The following LRRC4C variants were observed in gnomAD, a reference collection of about 807,000 sequenced individuals.
LRRC4C encodes leucine rich repeat containing 4C, also known as leucine-rich repeat-containing protein 4C.
LRRC4C carries 5 observed loss-of-function variants against 33.6 expected under a neutral mutation model. That is an observed-to-expected ratio of 0.15 (90% CI 0.08 to 0.31). LRRC4C has a LOEUF of 0.31. Among genes scored for constraint, LRRC4C ranks in the 10% least tolerant of loss-of-function variants. The pLI, the probability that LRRC4C is intolerant of heterozygous loss-of-function variation, is 1.00. For missense variants in LRRC4C, 560 were observed against 796.7 expected (o/e 0.70, Z 3.58); for synonymous variants, 329 against 302.0 (o/e 1.09, Z -0.93).
intron 3 of LRRC4C, among the ~76,000 whole-genome samples, chr11:40,431,094 T>G (rs1486189470): frequency 8.6e-5 from 1 of 11,632 alleles, no homozygotes; most frequent in African/African-American, 1.5e-4. Context: ...ACTTAAAGTA[T>G]AATAAAAAAA....
intron 1 of LRRC4C, among the ~76,000 whole-genome samples, chr11:40,956,624 A>T (rs1463357954): frequency 6.6e-6 from 1 of 151,808 alleles, no homozygotes; most frequent in Admixed American, 6.6e-5. Context: ...GATAGAAAAC[A>T]TAGATTAATA....
intron 2 of LRRC4C, among the ~76,000 whole-genome samples, chr11:40,697,165 A>AT (rs1486809229): frequency 6.6e-6 from 1 of 152,096 alleles, no homozygotes; most frequent in Non-Finnish European, 1.5e-5. Flanking sequence ...GCATATATAC[A>AT]TTTTTGTTCA....
intron 1 of LRRC4C, among the ~76,000 whole-genome samples, chr11:41,143,368 T>G (rs1281724600): frequency 6.6e-6 from 1 of 152,190 alleles, no homozygotes. Flanking sequence ...AGTGTTAGTG[T>G]GACTTTAAAT....
chr11:41,079,553 G>A (rs554403546), intron 1 of LRRC4C, among the ~76,000 whole-genome samples: 1 of 152,146 alleles, frequency 6.6e-6, no homozygotes, highest in South Asian at 2.1e-4. Context: ...TGCAATATCT[G>A]GGTTCGTAAG....
chr11:40,347,775 A>C (rs536806557), intron 3 of LRRC4C, among the ~76,000 whole-genome samples: 1 of 152,100 alleles, frequency 6.6e-6, no homozygotes, highest in Non-Finnish European at 1.5e-5. Context: ...CACCTGGCTA[A>C]TTTTACATTT....
At chr11:40,581,588 A>G (rs958303706) in intron 3 of LRRC4C, among the ~76,000 whole-genome samples, 1 of 152,166 alleles carries the variant, frequency 6.6e-6, no homozygotes, top group Admixed American at 6.5e-5. Context: ...TGACAAAATC[A>G]CTTACAAAAG....
intron 3 of LRRC4C, among the ~76,000 whole-genome samples, chr11:40,379,900 C>G (rs1246361325): frequency 6.6e-6 from 1 of 152,152 alleles, no homozygotes; most frequent in Admixed American, 6.5e-5. Context: ...CCAATGAACT[C>G]AGAATCTCTG....
At chr11:40,807,727 T>G (rs1951315516) in intron 2 of LRRC4C, among the ~76,000 whole-genome samples, 1 of 152,222 alleles carries the variant, frequency 6.6e-6, no homozygotes, top group Non-Finnish European at 1.5e-5. Flanking sequence ...ATCTCATGCT[T>G]AGAGTAATTC....
chr11:41,144,759 G>T (rs1348870020), intron 1 of LRRC4C, among the ~76,000 whole-genome samples: 1 of 152,082 alleles, frequency 6.6e-6, no homozygotes, highest in African/African-American at 2.4e-5. Flanking sequence ...ACCCATTGCT[G>T]CCCACTTAAA....
intron 4 of LRRC4C, among the ~76,000 whole-genome samples, chr11:40,308,002 A>T (rs1565257172): frequency 6.6e-6 from 1 of 152,208 alleles, no homozygotes; most frequent in Non-Finnish European, 1.5e-5. Context: ...TGATTTGCCT[A>T]CTGATGGAAT....
At chr11:40,490,221 T>C (rs1845768245) in intron 3 of LRRC4C, among the ~76,000 whole-genome samples, 1 of 152,214 alleles carries the variant, frequency 6.6e-6, no homozygotes, top group African/African-American at 2.4e-5. Flanking sequence ...AGTTGTGGAT[T>C]GTTTTTTCCT....
At chr11:41,159,638 G>T (rs1467527156) in intron 1 of LRRC4C, among the ~76,000 whole-genome samples, 1 of 152,048 alleles carries the variant, frequency 6.6e-6, no homozygotes, top group African/African-American at 2.4e-5. Context: ...GCACTTTGCA[G>T]CTATGGCCTA....
intron 2 of LRRC4C, among the ~76,000 whole-genome samples, chr11:40,659,828 C>A (rs1943333350): frequency 6.6e-6 from 1 of 152,180 alleles, no homozygotes; most frequent in Admixed American, 6.5e-5. Context: ...CGAGAAAACT[C>A]CTCTCCACCT....
chr11:41,179,800 C>T (rs11036276), intron 1 of LRRC4C, among the ~76,000 whole-genome samples: 12,030 of 152,138 alleles, frequency 0.079, 481 homozygotes, highest in Middle Eastern at 0.12. Context: ...GCATAGATAC[C>T]AGCCATTCAT....
At chr11:40,578,609 A>T (rs916088376) in intron 3 of LRRC4C, among the ~76,000 whole-genome samples, 4 of 152,106 alleles carry the variant, frequency 2.6e-5, no homozygotes, top group Non-Finnish European at 4.4e-5. Context: ...TACCTAGAAA[A>T]TGGAAAAGAC....
chr11:41,267,858 A>T (rs1443977985), intron 1 of LRRC4C, among the ~76,000 whole-genome samples: 1 of 152,134 alleles, frequency 6.6e-6, no homozygotes, highest in Non-Finnish European at 1.5e-5. Flanking sequence ...CTGAAATGTA[A>T]GTAAATAATT....
chr11:40,256,084 G>A (rs2136217506), intron 4 of LRRC4C, among the ~76,000 whole-genome samples: 1 of 152,262 alleles, frequency 6.6e-6, no homozygotes, highest in Non-Finnish European at 1.5e-5. Flanking sequence ...AGTTGTCTTG[G>A]ATTGCTTTGG....
chr11:40,205,813 A>C (rs1863104692), intron 5 of LRRC4C, among the ~76,000 whole-genome samples: 2 of 152,184 alleles, frequency 1.3e-5, no homozygotes, highest in Non-Finnish European at 2.9e-5. Context: ...AAGTATGTTA[A>C]TAGTTGACCC....
intron 5 of LRRC4C, among the ~76,000 whole-genome samples, chr11:40,195,322 G>T (rs1239167058): frequency 6.6e-6 from 1 of 152,048 alleles, no homozygotes; most frequent in Non-Finnish European, 1.5e-5. Flanking sequence ...TAAATCTAAT[G>T]GATATGAATA....
Sources: allele counts gnomAD v4.1 joint callset (sites outside exome capture counted in the v4.1 genomes callset), GRCh38; gene constraint gnomAD v4.1.1; transcripts MANE v1.5; gene names NCBI Gene and HGNC (gene_info 2026-07-23, HGNC 2026-07-21).